Variants in GRIK1 observed in about 807,000 individuals in gnomAD.
The protein encoded by GRIK1 is glutamate receptor ionotropic, kainate 1.
A neutral mutation model predicts 105.7 loss-of-function variants in GRIK1; 69 were observed. That is an observed-to-expected ratio of 0.65 (90% confidence interval 0.54 to 0.80). GRIK1 has a LOEUF of 0.80. Among genes scored for constraint, GRIK1 ranks in the 30% least tolerant of loss-of-function variants. The probability of loss-of-function intolerance (pLI) is 0.00; values close to 1 mark genes in which losing one functional copy is unlikely to be tolerated. For missense variants in GRIK1, 1,109 were observed against 1,167.3 expected (o/e 0.95, Z 0.73); for synonymous variants, 438 against 431.3 (o/e 1.02, Z -0.19).
chr21:29,774,553 G>C (rs2065895377), intron 1 of GRIK1, among the ~76,000 whole-genome samples: 1 of 147,718 alleles, frequency 6.8e-6, no homozygotes, highest in South Asian at 2.2e-4. Flanking sequence ...CCAGGTTCAA[G>C]CTATTCTCCT....
intron 1 of GRIK1, among the ~76,000 whole-genome samples, chr21:29,702,329 A>G (rs1568992566): frequency 6.6e-6 from 1 of 152,134 alleles, no homozygotes; most frequent in Admixed American, 6.5e-5. Flanking sequence ...CCAAGTGGAG[A>G]GGCCAGCTGT....
Position 29,580,160 on chromosome 21 carries a change from C to CAT in GRIK1, c.1912+1263_1912+1264dup, listed in dbSNP as rs138103244. Among the ~76,000 whole-genome samples, 559 of 143,500 alleles carry CAT rather than the reference C, an allele frequency of 3.9e-3. 4 individuals are homozygous for CAT. The highest frequency in any genetic ancestry group is 5.0e-3 in the African/African-American group (196 of 39,020). 94.1% of individuals were successfully genotyped at this position (143,500 alleles called of 152,430 possible). ...ATATATACATATATATATACACATA[C>CAT]ATATATATATATATGTATATATTTT... On this transcript the variant is annotated intron_variant, in intron 13 of 17. Coordinates refer to ENST00000327783, the MANE Select transcript of GRIK1 (RefSeq NM_001330994.2).
chr21:29,729,664 T>A (rs530159921), intron 1 of GRIK1, among the ~76,000 whole-genome samples: 1 of 152,134 alleles, frequency 6.6e-6, no homozygotes, highest in Non-Finnish European at 1.5e-5. Context: ...ATCTAGTGAG[T>A]GTCCTGAAAC....
In GRIK1 at chr21:29,576,952, T is replaced by A. The variant is rs2090910870; in HGVS notation, c.2130+12A>T. On this transcript the variant is annotated intron_variant, in intron 14 of 17. Transcript: ENST00000327783. ...TCAGATAATCACTGAGAACACTTTGTCAGCTTCTTACCTTGAAGAAGGTCA... is the reference window on the plus strand; with the variant it reads ...TCAGATAATCACTGAGAACACTTTGACAGCTTCTTACCTTGAAGAAGGTCA... The A allele has an allele frequency of 6.8e-7, 1 of 1,470,736 alleles. No individual in the cohort carries two copies. The highest frequency in any genetic ancestry group is 9.5e-7 in the Non-Finnish European group (1 of 1,052,358). 91.1% of individuals were successfully genotyped at this position (1,470,736 alleles called of 1,614,324 possible). A position where few individuals can be genotyped will look rare whatever the true frequency, so the allele number is the denominator to read the frequency against.
intron 1 of GRIK1, among the ~76,000 whole-genome samples, chr21:29,867,886 A>AAAG (rs2068865366): frequency 2.3e-5 from 3 of 129,032 alleles, no homozygotes; most frequent in African/African-American, 1.0e-4. Context: ...AAGAGAGAGA[A>AAAG]AGAGAGAGAG....
At chr21:29,723,066 C>T (rs2064362222) in intron 1 of GRIK1, among the ~76,000 whole-genome samples, 1 of 152,044 alleles carries the variant, frequency 6.6e-6, no homozygotes, top group African/African-American at 2.4e-5. Flanking sequence ...TACCTGTAAT[C>T]CCAGCACTTT....
At chr21:29,881,347 T>A (rs2069401443) in intron 1 of GRIK1, among the ~76,000 whole-genome samples, 2 of 152,056 alleles carry the variant, frequency 1.3e-5, no homozygotes, top group South Asian at 2.1e-4. Context: ...GGATTAAAAA[T>A]GGTATTTTAT....
At chr21:29,733,658 T>C (rs2064696853) in intron 1 of GRIK1, among the ~76,000 whole-genome samples, 1 of 152,162 alleles carries the variant, frequency 6.6e-6, no homozygotes, top group African/African-American at 2.4e-5. Context: ...TTAACATTTC[T>C]TCATCACTTT....
At chr21:29,851,363 A>T (rs1479467423) in intron 1 of GRIK1, among the ~76,000 whole-genome samples, 4 of 152,110 alleles carry the variant, frequency 2.6e-5, no homozygotes, top group African/African-American at 9.7e-5. Flanking sequence ...CCTAGAAATG[A>T]TTTTTTTGAG....
chr21:29,663,023 T>A (rs1019100670), intron 4 of GRIK1, among the ~76,000 whole-genome samples: 27 of 152,328 alleles, frequency 1.8e-4, no homozygotes, highest in African/African-American at 6.0e-4. Context: ...GACTGCTTGC[T>A]GAGTGCCACA....
intron 1 of GRIK1, among the ~76,000 whole-genome samples, chr21:29,875,861 C>A (rs765500826): frequency 1.2e-4 from 19 of 152,138 alleles, no homozygotes; most frequent in Admixed American, 2.0e-4. Flanking sequence ...TGTTTTAGCT[C>A]ATAATTGTCT....
chr21:29,602,705 T>C (rs2061540752), intron 7 of GRIK1, among the ~76,000 whole-genome samples: 1 of 152,178 alleles, frequency 6.6e-6, no homozygotes, highest in Non-Finnish European at 1.5e-5. Flanking sequence ...CATGAGACAC[T>C]AATGCAAAGT....
intron 13 of GRIK1, among the ~76,000 whole-genome samples, chr21:29,579,292 C>T (rs1157994794): frequency 6.6e-6 from 1 of 151,960 alleles, no homozygotes; most frequent in Non-Finnish European, 1.5e-5. Context: ...TTGTAATTCT[C>T]CATGTTAGTT....
At chr21:29,865,800 C>T (rs2068782465) in intron 1 of GRIK1, among the ~76,000 whole-genome samples, 1 of 152,112 alleles carries the variant, frequency 6.6e-6, no homozygotes, top group Admixed American at 6.5e-5. Flanking sequence ...ATTCTTTGAC[C>T]AAGTCATTCC....
At chr21:29,676,012 T>C (rs1163427663) in intron 3 of GRIK1, among the ~76,000 whole-genome samples, 1 of 152,166 alleles carries the variant, frequency 6.6e-6, no homozygotes, top group Non-Finnish European at 1.5e-5. Flanking sequence ...CACACAATAT[T>C]AAATCCTTAT....
chr21:29,624,343 A>G (rs894852688), intron 7 of GRIK1, among the ~76,000 whole-genome samples: 1 of 152,200 alleles, frequency 6.6e-6, no homozygotes, highest in African/African-American at 2.4e-5. Flanking sequence ...AGATGTTAGT[A>G]CCAGCCTGTT....
chr21:29,854,525 A>G (rs547868232), intron 1 of GRIK1, among the ~76,000 whole-genome samples: 1 of 152,272 alleles, frequency 6.6e-6, no homozygotes, highest in Admixed American at 6.5e-5. Flanking sequence ...AAAACAAGAA[A>G]TTACTATGCC....
chr21:29,591,263 C>T, intron 9 of GRIK1, 38 bp from the exon 10 acceptor site: 1 of 1,211,442 alleles, frequency 8.3e-7, no homozygotes, highest in Non-Finnish European at 1.2e-6. Context: ...TGCTGGCTGT[C>T]AGTGTGGCAT....
intron 1 of GRIK1, among the ~76,000 whole-genome samples, chr21:29,891,998 T>C (rs1238551520): frequency 6.6e-6 from 1 of 152,204 alleles, no homozygotes; most frequent in African/African-American, 2.4e-5. Flanking sequence ...TGAATTAAAG[T>C]GTATTTGATT....
Sources: allele counts gnomAD v4.1 joint callset (sites outside exome capture counted in the v4.1 genomes callset), GRCh38; gene constraint gnomAD v4.1.1; transcripts MANE v1.5; gene names NCBI Gene and HGNC (gene_info 2026-07-23, HGNC 2026-07-21).